The following LARP1B variants were observed in gnomAD, a reference collection of about 807,000 sequenced individuals.
LARP1B encodes La ribonucleoprotein 1B, also known as la-related protein 1B.
A neutral mutation model predicts 114.2 loss-of-function variants in LARP1B; 76 were observed. The observed-to-expected ratio is 0.67, with a 90% CI of 0.55 to 0.81. The LOEUF (loss-of-function observed/expected upper bound fraction) is 0.81. Among genes scored for constraint, LARP1B ranks in the 30% least tolerant of loss-of-function variants. LARP1B has a pLI of 0.00. For synonymous variants in LARP1B, 345 were observed against 348.0 expected (o/e 0.99, Z 0.10); for missense variants, 1,014 against 1,075.8 (o/e 0.94, Z 0.80).
intron 11 of LARP1B, among the ~76,000 whole-genome samples, chr4:128,145,478 A>T (rs1284654698): frequency 6.6e-6 from 1 of 152,116 alleles, no homozygotes; most frequent in East Asian, 1.9e-4. Context: ...GGTATGTCTT[A>T]GGTAGTCTTA....
chr4:128,204,641 G>A (rs1044969864), intron 17 of LARP1B, among the ~76,000 whole-genome samples: 14 of 150,052 alleles, frequency 9.3e-5, no homozygotes, highest in African/African-American at 3.4e-4. Flanking sequence ...GGCAACAAGA[G>A]TAAAACTCTG....
chr4:128,122,581 G>A (rs1038559398), intron 11 of LARP1B: 9 of 1,504,228 alleles, frequency 6.0e-6, no homozygotes, highest in African/African-American at 2.8e-5. Flanking sequence ...GGCTCTCACC[G>A]CAGCTGTATG....
At chr4:128,220,763 A>G (rs918512930) in intron 7 of LARP1B, among the ~76,000 whole-genome samples, 6 of 152,216 alleles carry the variant, frequency 3.9e-5, no homozygotes, top group African/African-American at 1.4e-4. Context: ...ATTTTAAGGT[A>G]TATCTCCTGG....
chr4:128,158,508 A>G (rs1736881419), intron 11 of LARP1B, among the ~76,000 whole-genome samples: 1 of 152,180 alleles, frequency 6.6e-6, no homozygotes, highest in Admixed American at 6.5e-5. Context: ...AAGGCAAGTT[A>G]AAAAAGTGTC....
chr4:128,165,683 A>G (rs1369556811), intron 12 of LARP1B, among the ~76,000 whole-genome samples: 2 of 152,066 alleles, frequency 1.3e-5, no homozygotes, highest in African/African-American at 2.4e-5. Flanking sequence ...TGTCCTCCAC[A>G]TCCCAAATCA....
chr4:128,071,282 G>A (rs995187333), intron 1 of LARP1B, among the ~76,000 whole-genome samples: 4 of 151,902 alleles, frequency 2.6e-5, no homozygotes, highest in African/African-American at 7.2e-5. Flanking sequence ...TCCTGACCTC[G>A]TGATCCGCCA....
chr4:128,177,102 A>G (rs982806145), intron 13 of LARP1B, among the ~76,000 whole-genome samples, 195 bp downstream of exon 13: 6 of 152,242 alleles, frequency 3.9e-5, no homozygotes, highest in African/African-American at 1.4e-4. Context: ...AGGCAAAATC[A>G]GCAAAATCTC....
chr4:128,123,482 A>C (rs1387230129), intron 11 of LARP1B: 6 of 744,818 alleles, frequency 8.1e-6, no homozygotes, highest in Non-Finnish European at 9.8e-6. Flanking sequence ...CCCTTTACCC[A>C]GCTTTGTTTT....
intron 15 of LARP1B, among the ~76,000 whole-genome samples, chr4:128,181,443 G>A (rs917402038): frequency 6.6e-6 from 1 of 152,114 alleles, no homozygotes; most frequent in Non-Finnish European, 1.5e-5. Flanking sequence ...CTCCTCAGGT[G>A]CTGGGATTAC....
chr4:128,142,215 C>A (rs1213802860), intron 11 of LARP1B, among the ~76,000 whole-genome samples: 2 of 152,190 alleles, frequency 1.3e-5, no homozygotes, highest in African/African-American at 4.8e-5. Context: ...CAGTTCTGGA[C>A]CAACACCTAA....
chr4:128,152,613 A>G (rs1020151501), intron 11 of LARP1B, among the ~76,000 whole-genome samples: 1 of 150,914 alleles, frequency 6.6e-6, no homozygotes, highest in African/African-American at 2.4e-5. Flanking sequence ...GTTATTCCCT[A>G]TATGTCTGTT....
rs11732214 is a variant in LARP1B, at chr4:128,139,594, A to C, written c.1524+17406A>C. Among the ~76,000 whole-genome samples the C allele has an allele frequency of 1.9e-4, 28 of 148,770 alleles. No individual in the cohort carries two copies. The South Asian group carries it at 2.2e-3, about 12-fold the overall frequency. ...AACTGTATAACTGTTAAAAAAAAAAACAAAAAAACAGTATAAGATCGTGCC... is the reference window on the plus strand; with the variant it reads ...AACTGTATAACTGTTAAAAAAAAAACCAAAAAAACAGTATAAGATCGTGCC... On this transcript the variant is annotated intron_variant, in intron 11 of 19. Coordinates refer to ENST00000326639, the MANE Select transcript of LARP1B (RefSeq NM_018078.4).
At chr4:128,157,297 A>T (rs1736256838) in intron 11 of LARP1B, among the ~76,000 whole-genome samples, 2 of 152,200 alleles carry the variant, frequency 1.3e-5, no homozygotes, top group African/African-American at 4.8e-5. Context: ...AAACTGGAAG[A>T]TGGATCAAAA....
chr4:128,112,125 T>C (rs896365270), intron 9 of LARP1B, among the ~76,000 whole-genome samples: 1 of 152,316 alleles, frequency 6.6e-6, no homozygotes. Flanking sequence ...CTTGTACTTT[T>C]TTTGTGAATG....
At chr4:128,152,373 T>A (rs1011070764) in intron 11 of LARP1B, among the ~76,000 whole-genome samples, 2 of 151,884 alleles carry the variant, frequency 1.3e-5, no homozygotes, top group African/African-American at 4.8e-5. Flanking sequence ...CCAGCTAATT[T>A]TTGTATTTTC....
chr4:128,098,019 G>T (rs1222434095), intron 7 of LARP1B, among the ~76,000 whole-genome samples, 167 bp from the exon 8 acceptor site: 3 of 151,932 alleles, frequency 2.0e-5, no homozygotes, highest in Non-Finnish European at 4.4e-5. Flanking sequence ...AGAGTTTTTT[G>T]CTATCTTATA....
At chr4:128,073,599 T>TTG (rs1561057507) in intron 1 of LARP1B, among the ~76,000 whole-genome samples, 6 of 94,306 alleles carry the variant, frequency 6.4e-5, no homozygotes, top group African/African-American at 2.1e-4. Context: ...TTTTTTTTTT[T>TTG]TTTTTTTTTT....
At chr4:128,209,714 C>A (rs1758595741) in intron 19 of LARP1B, 142 bp from the exon 20 acceptor site, 2 of 589,682 alleles carry the variant, frequency 3.4e-6, no homozygotes, top group Non-Finnish European at 5.6e-6. Context: ...CAGAATGAGA[C>A]TCCATCAAAA....
chr4:128,185,334 A>G (rs755264836), intron 15 of LARP1B, among the ~76,000 whole-genome samples: 26 of 152,106 alleles, frequency 1.7e-4, no homozygotes, highest in Non-Finnish European at 3.7e-4. Context: ...TCCTTGCAAC[A>G]TCCATTATTT....
Sources: gnomAD v4.1 joint callset for allele counts (sites outside exome capture counted in the v4.1 genomes callset) on GRCh38, gnomAD v4.1.1 for gene constraint, MANE v1.5 for transcripts, NCBI Gene and HGNC (gene_info 2026-07-23, HGNC 2026-07-21) for gene names.